KLHL8: variants seen among roughly 807,000 people sequenced by gnomAD.
The protein encoded by KLHL8 is kelch-like protein 8.
In KLHL8, 38 loss-of-function variants were observed where a neutral mutation model predicts 63.5. The ratio of observed to expected loss-of-function variants is 0.60; its 90% CI spans 0.46 to 0.78. The LOEUF is 0.78. Ranked by LOEUF, KLHL8 falls within the 30% of genes least tolerant of loss-of-function variation. The pLI, the probability that KLHL8 is intolerant of heterozygous loss-of-function variation, is 0.00. For missense variants in KLHL8, 566 were observed against 752.4 expected (o/e 0.75, Z 2.90); for synonymous variants, 224 against 254.3 (o/e 0.88, Z 1.13).
At position 87,162,544 on chromosome 4, in the gene KLHL8, TAATA is replaced by T. The variant is rs1183642582; in HGVS notation, c.*971_*974del. On this transcript the variant is annotated 3_prime_UTR_variant, in exon 10 of 10. Transcript: ENST00000273963. ...TTTGTAAAAATGCATTCATTTCTGA[TAATA>T]AATAAATGCAGATTGATTCTGTACA... 1 of 152,162 alleles carries T rather than the reference TAATA, an allele frequency of 6.6e-6. No homozygotes were observed. Among genetic ancestry groups the T allele is most frequent in the Non-Finnish European group, 1.5e-5 (1 of 68,030 alleles). The allele number at this position is 152,162 out of a possible 1,614,324, so 9.4% of individuals were successfully genotyped here.
intron 1 of KLHL8, among the ~76,000 whole-genome samples, chr4:87,234,965 G>A (rs1008941979): frequency 5.3e-5 from 8 of 152,092 alleles, no homozygotes; most frequent in Non-Finnish European, 1.2e-4. Context: ...AAAGAATACA[G>A]ATACAAAGAA....
At position 87,161,041 on chromosome 4, in the gene KLHL8, CTTTTTTTTTTTT is replaced by C. The variant is rs71660119; in HGVS notation, c.*2466_*2477del. ...GCACATATTGATTCTGCTTTTTTAT[CTTTTTTTTTTTT>C]TTTTTTTTGAGATGGAGTTTCACTC... On this transcript the variant is annotated 3_prime_UTR_variant, in exon 10 of 10. Coordinates refer to ENST00000273963, the MANE Select transcript of KLHL8 (RefSeq NM_020803.5). 8.7e-6 allele frequency: 1 copy of C among 115,084 alleles called. No homozygotes were observed. The highest frequency in any genetic ancestry group is 1.7e-5 in the Non-Finnish European group (1 of 57,792). The allele number at this position is 115,084 out of a possible 1,614,324, so 7.1% of individuals were successfully genotyped here.
chr4:87,167,321 C>A (rs1416257904), intron 8 of KLHL8: 3 of 453,552 alleles, frequency 6.6e-6, no homozygotes, highest in African/African-American at 6.1e-5. Flanking sequence ...AGACCTGTTC[C>A]ACCTCTGCCT....
intron 2 of KLHL8, among the ~76,000 whole-genome samples, chr4:87,190,420 G>A (rs181430854): frequency 2.0e-4 from 30 of 152,166 alleles, no homozygotes; most frequent in East Asian, 9.7e-4. Flanking sequence ...CAAGGTAGGC[G>A]GATCACCTGA....
intron 1 of KLHL8, among the ~76,000 whole-genome samples, chr4:87,204,038 A>C (rs1256617497): frequency 6.6e-6 from 1 of 152,230 alleles, no homozygotes; most frequent in Non-Finnish European, 1.5e-5. Flanking sequence ...AAAGATGTTC[A>C]ACATCACTGC....
chr4:87,240,078 G>C (rs900291933), intron 1 of KLHL8, among the ~76,000 whole-genome samples: 3 of 152,134 alleles, frequency 2.0e-5, no homozygotes, highest in Non-Finnish European at 4.4e-5. Flanking sequence ...AGCACTTTGA[G>C]AACACTTCCT....
At chr4:87,215,095 G>A (rs1252234893) in intron 1 of KLHL8, among the ~76,000 whole-genome samples, 6 of 152,082 alleles carry the variant, frequency 3.9e-5, no homozygotes, top group Non-Finnish European at 7.4e-5. Context: ...CACCCCGCTC[G>A]GCCAGAATTT....
intron 1 of KLHL8, among the ~76,000 whole-genome samples, chr4:87,216,139 A>T (rs975111825): frequency 6.6e-6 from 1 of 152,328 alleles, no homozygotes. Flanking sequence ...TGTATTGCCC[A>T]TCAAGGCTGG....
intron 1 of KLHL8, among the ~76,000 whole-genome samples, chr4:87,219,242 G>A (rs1463808616): frequency 2.0e-5 from 3 of 152,134 alleles, no homozygotes; most frequent in African/African-American, 7.3e-5. Context: ...CGTTCCAGGC[G>A]CCAGCACTGT....
At chr4:87,200,172 A>AC in intron 1 of KLHL8, among the ~76,000 whole-genome samples, 1 of 150,154 alleles carries the variant, frequency 6.7e-6, no homozygotes, top group African/African-American at 2.4e-5. Context: ...AAAAAAAAAA[A>AC]GGTAAAGGAC....
chr4:87,179,139 T>C (rs188325806), intron 4 of KLHL8, among the ~76,000 whole-genome samples: 26 of 152,272 alleles, frequency 1.7e-4, no homozygotes, highest in Admixed American at 1.6e-3. Context: ...CACCTTCCTA[T>C]ATACATTTCT....
rs573911919 is a variant in KLHL8, at chr4:87,184,762, C to T, written c.765+489G>A. Reference sequence around the variant, plus strand: ...AGAACAGTAACAATGAGACACATTTCTGAGGTTTAAAAAAAGTCAAACTAC... The same window carrying T: ...AGAACAGTAACAATGAGACACATTTTTGAGGTTTAAAAAAAGTCAAACTAC... On this transcript the variant is annotated intron_variant, in intron 3 of 9. Transcript: ENST00000273963. 1.6e-4 allele frequency among the ~76,000 whole-genome samples: 24 copies of T among 152,122 alleles called. No individual in the cohort carries two copies. The South Asian group carries it at 4.4e-3, about 28-fold the overall frequency.
chr4:87,226,665 A>AAT lies in KLHL8; in HGVS notation n.58-5277_58-5276dup, dbSNP rs550817634. ...AATAATATATATATTACTTATATATAATATATATTATTTATATATAATATA... is the reference window on the plus strand; with the variant it reads ...AATAATATATATATTACTTATATATAATATATATATTATTTATATATAATATA... On this transcript the variant is annotated intron_variant and non_coding_transcript_variant, in intron 1 of 1. Coordinates refer to the KLHL8 transcript ENST00000506274. Among the ~76,000 whole-genome samples the AAT allele has an allele frequency of 2.3e-4, 9 of 38,876 alleles. 1 individual carries two copies. The highest frequency in any genetic ancestry group is 3.0e-3 in the East Asian group (2 of 658). The allele number at this position is 38,876 out of a possible 152,430, so 25.5% of individuals were successfully genotyped here.
Position 87,163,508 on chromosome 4 carries a change from C to A in KLHL8, c.*11G>T, listed in dbSNP as rs760767003. ...CAGATATGACTAAATTGTTGGTGGCCAGAACTCAAATCACATACAGTCAAC... is the reference window on the plus strand; with the variant it reads ...CAGATATGACTAAATTGTTGGTGGCAAGAACTCAAATCACATACAGTCAAC... On this transcript the variant is annotated 3_prime_UTR_variant, in exon 10 of 10. Transcript: ENST00000273963. 5 of 1,613,094 alleles carry A rather than the reference C, an allele frequency of 3.1e-6. No individual in the cohort carries two copies. Among genetic ancestry groups the A allele is most frequent in the Non-Finnish European group, 4.2e-6 (5 of 1,179,696 alleles).
chr4:87,197,418 C>T (rs186287566), intron 1 of KLHL8, among the ~76,000 whole-genome samples: 31 of 152,292 alleles, frequency 2.0e-4, no homozygotes, highest in African/African-American at 7.2e-4. Flanking sequence ...AAGCCAGGCC[C>T]TCAGTCATAC....
At chr4:87,207,967 T>C in intron 1 of KLHL8, 1 of 799,336 alleles carries the variant, frequency 1.3e-6, no homozygotes, top group Non-Finnish European at 2.2e-6. Flanking sequence ...CTCTTCCACC[T>C]TCAATGTTAG....
At chr4:87,214,457 T>TATATATATATATAA (rs1560716517) in intron 1 of KLHL8, among the ~76,000 whole-genome samples, 1 of 121,204 alleles carries the variant, frequency 8.3e-6, no homozygotes, top group Non-Finnish European at 1.7e-5. Flanking sequence ...TATATATATA[T>TATATATATATATAA]ATAATTGTCA....
At chr4:87,186,166 G>A (rs1485056379) in intron 2 of KLHL8, among the ~76,000 whole-genome samples, 1 of 151,826 alleles carries the variant, frequency 6.6e-6, no homozygotes, top group Admixed American at 6.6e-5. Flanking sequence ...AGCCTACCAA[G>A]TAGTTGGGAT....
chr4:87,213,719 T>C (rs574936443), intron 1 of KLHL8, among the ~76,000 whole-genome samples: 2 of 152,360 alleles, frequency 1.3e-5, no homozygotes, highest in African/African-American at 4.8e-5. Context: ...CAAGCTTGGT[T>C]TAGCCTACAG....
Sources: allele counts gnomAD v4.1 joint callset (sites outside exome capture counted in the v4.1 genomes callset), GRCh38; gene constraint gnomAD v4.1.1; transcripts MANE v1.5; gene names NCBI Gene and HGNC (gene_info 2026-07-23, HGNC 2026-07-21).